The following CYP19A1 variants were observed in gnomAD, a reference collection of about 807,000 sequenced individuals.
CYP19A1 encodes aromatase.
CYP19A1 carries 32 observed loss-of-function variants against 44.4 expected under a neutral mutation model. That is an observed-to-expected ratio of 0.72 (90% CI 0.54 to 0.97). The LOEUF (loss-of-function observed/expected upper bound fraction) is 0.97. Among genes scored for constraint, CYP19A1 ranks in the 50% least tolerant of loss-of-function variants. The pLI is 0.00. For synonymous variants in CYP19A1, 212 were observed against 215.6 expected (o/e 0.98, Z 0.14); for missense variants, 598 against 637.8 (o/e 0.94, Z 0.67).
chr15:51,295,929 C>T (rs989880261), intron 1 of CYP19A1, among the ~76,000 whole-genome samples: 2 of 152,124 alleles, frequency 1.3e-5, no homozygotes, highest in Admixed American at 1.3e-4. Context: ...AAGAATGTTT[C>T]TGGGAGCACA....
At chr15:51,282,108 C>G (rs7181886) in intron 1 of CYP19A1, among the ~76,000 whole-genome samples, 19,250 of 145,994 alleles carry the variant, frequency 0.13, 2,102 homozygotes, top group African/African-American at 0.31. Context: ...AGAACTGAGA[C>G]AGAGAGGCTG....
chr15:51,332,183 T>C (rs2036712689), intron 1 of CYP19A1, among the ~76,000 whole-genome samples: 1 of 152,184 alleles, frequency 6.6e-6, no homozygotes, highest in Non-Finnish European at 1.5e-5. Flanking sequence ...TTGGGAGCTC[T>C]AGTCTAGTTT....
At chr15:51,295,845 T>G (rs2035984537) in intron 1 of CYP19A1, among the ~76,000 whole-genome samples, 1 of 152,028 alleles carries the variant, frequency 6.6e-6, no homozygotes, top group African/African-American at 2.4e-5. Context: ...CGGAGGTCTG[T>G]GGAGGGCAGA....
At chr15:51,269,070 C>T (rs1377763284) in intron 1 of CYP19A1, among the ~76,000 whole-genome samples, 4 of 152,002 alleles carry the variant, frequency 2.6e-5, no homozygotes, top group African/African-American at 7.2e-5. Context: ...CTTTATGGCT[C>T]CTACTTTTTT....
chr15:51,310,681 G>T (rs1386192646), intron 1 of CYP19A1, among the ~76,000 whole-genome samples: 1 of 152,160 alleles, frequency 6.6e-6, no homozygotes, highest in Non-Finnish European at 1.5e-5. Flanking sequence ...CTTGCACTTT[G>T]CTCTAAGGTC....
chr15:51,297,817 G>GACACACACACACACACACACACACAC (rs1159870053), intron 1 of CYP19A1, among the ~76,000 whole-genome samples: 5 of 111,788 alleles, frequency 4.5e-5, no homozygotes, highest in East Asian at 2.8e-4. Context: ...CTGTAGGCAT[G>GACACACACACACACACACACACACAC]ACACACACAC....
At chr15:51,325,211 A>T (rs1469777703) in intron 1 of CYP19A1, among the ~76,000 whole-genome samples, 2 of 152,096 alleles carry the variant, frequency 1.3e-5, no homozygotes, top group Non-Finnish European at 2.9e-5. Context: ...GCCTAGGGTC[A>T]GTGTCCAAGC....
At chr15:51,236,544 A>AG (rs2033404521) in intron 3 of CYP19A1, among the ~76,000 whole-genome samples, 2 of 152,180 alleles carry the variant, frequency 1.3e-5, no homozygotes, top group Admixed American at 1.3e-4. Context: ...AGAAAAGATA[A>AG]CACCTCTCCC....
rs1414376172 is a variant in CYP19A1 at position 51,250,134 on chromosome 15, T to TAG, written c.-38-7185_-38-7184insCT. ...GAGCAAAAAGCCCTGAAGGCACCAATGGGAGACCTCAGCCCCTAGGGTTTT... is the reference window on the plus strand; with the variant it reads ...GAGCAAAAAGCCCTGAAGGCACCAATAGGGGAGACCTCAGCCCCTAGGGTTTT... On this transcript the variant is annotated intron_variant, in intron 1 of 9. Transcript: ENST00000396402. Among the ~76,000 whole-genome samples, 220 of 152,332 alleles carry TAG rather than the reference T, an allele frequency of 1.4e-3. 3 individuals carry two copies. Among genetic ancestry groups the TAG allele is most frequent in the East Asian group, 0.013 (65 of 5,190 alleles).
In CYP19A1 at chr15:51,256,775, G is replaced by A. The variant is rs537529393; in HGVS notation, c.-38-13825C>T. ...CAAACACATGTTTGCTCCTCAGTAA[G>A]TGATAGCTAATGTTAATGGCAGAAT... On this transcript the variant is annotated intron_variant, in intron 1 of 9. Transcript: ENST00000396402. Among the ~76,000 whole-genome samples, 48 of 152,262 alleles carry A rather than the reference G, an allele frequency of 3.2e-4. No homozygotes were observed. The South Asian group carries it at 1.0e-2, about 32-fold the overall frequency.
intron 1 of CYP19A1, among the ~76,000 whole-genome samples, chr15:51,265,806 C>A (rs569103323): frequency 1.3e-5 from 2 of 152,160 alleles, no homozygotes; most frequent in Non-Finnish European, 2.9e-5. Context: ...AGGGCAGGGG[C>A]TCTCCGCTCT....
chr15:51,313,311 G>A (rs1268797160), intron 1 of CYP19A1: 1 of 152,256 alleles, frequency 6.6e-6, no homozygotes, highest in African/African-American at 2.4e-5. Context: ...AATCAAAGCT[G>A]AGTAGTCTTG....
chr15:51,320,840 A>C (rs549247168), intron 1 of CYP19A1: 1 of 152,376 alleles, frequency 6.6e-6, no homozygotes, highest in African/African-American at 2.4e-5. Flanking sequence ...AACCCAGCAT[A>C]TTCTAAATGA....
chr15:51,275,079 T>G (rs1311854970), intron 1 of CYP19A1, among the ~76,000 whole-genome samples: 1 of 152,172 alleles, frequency 6.6e-6, no homozygotes, highest in Non-Finnish European at 1.5e-5. Flanking sequence ...GCTTGTGCAG[T>G]CCCTAACTGT....
intron 1 of CYP19A1, among the ~76,000 whole-genome samples, chr15:51,292,178 G>T (rs2035862492): frequency 6.6e-6 from 1 of 152,192 alleles, no homozygotes; most frequent in Non-Finnish European, 1.5e-5. Flanking sequence ...CAATCAAATT[G>T]GACAGGCAGA....
At chr15:51,305,700 A>G (rs746699338) in intron 1 of CYP19A1, among the ~76,000 whole-genome samples, 2 of 152,108 alleles carry the variant, frequency 1.3e-5, no homozygotes, top group African/African-American at 4.8e-5. Flanking sequence ...AGCTGGAACT[A>G]CAGGCATGCA....
chr15:51,325,565 C>A (rs191339120), intron 1 of CYP19A1, among the ~76,000 whole-genome samples: 1 of 152,154 alleles, frequency 6.6e-6, no homozygotes, highest in Non-Finnish European at 1.5e-5. Flanking sequence ...GCAGGCCAGG[C>A]GCCATGGCTC....
intron 1 of CYP19A1, among the ~76,000 whole-genome samples, chr15:51,305,767 G>A (rs1370551820): frequency 6.6e-6 from 1 of 152,056 alleles, no homozygotes; most frequent in African/African-American, 2.4e-5. Flanking sequence ...CACTATGTTG[G>A]CCAGGCTGGT....
At chr15:51,236,718 C>T in intron 3 of CYP19A1, 141 bp downstream of exon 3, 1 of 1,015,262 alleles carries the variant, frequency 9.8e-7, no homozygotes, top group Non-Finnish European at 1.5e-6. Flanking sequence ...TGTTAGATTT[C>T]TGGGGATTGC....
Sources: allele counts gnomAD v4.1 joint callset (sites outside exome capture counted in the v4.1 genomes callset), GRCh38; gene constraint gnomAD v4.1.1; transcripts MANE v1.5; gene names NCBI Gene and HGNC (gene_info 2026-07-23, HGNC 2026-07-21).